The following EML6 variants were observed in gnomAD, a reference collection of about 807,000 sequenced individuals.
EML6 encodes the protein echinoderm microtubule-associated protein-like 6.
EML6 carries 154 observed loss-of-function variants against 240.1 expected under a neutral mutation model. That is an observed-to-expected ratio of 0.64 (90% CI 0.56 to 0.73). The LOEUF (loss-of-function observed/expected upper bound fraction) is 0.73. Among genes scored for constraint, EML6 ranks in the 30% least tolerant of loss-of-function variants. The pLI is 0.00. For synonymous variants in EML6, 1,148 were observed against 899.0 expected (o/e 1.28, Z -4.95); for missense variants, 2,964 against 2,474.6 (o/e 1.20, Z -4.20).
At chr2:54,933,979 A>AT (rs1674998103) in intron 28 of EML6, among the ~76,000 whole-genome samples, 1 of 152,036 alleles carries the variant, frequency 6.6e-6, no homozygotes, top group Admixed American at 6.6e-5. Context: ...AATGAAGATA[A>AT]TTTTTTTGAA....
At chr2:54,764,635 C>T (rs534877193) in intron 2 of EML6, among the ~76,000 whole-genome samples, 58 of 152,284 alleles carry the variant, frequency 3.8e-4, no homozygotes, top group African/African-American at 1.3e-3. Context: ...ATTGTGCCTT[C>T]ATCAATAAAT....
At chr2:54,931,745 T>G (rs1026407676) in intron 28 of EML6, among the ~76,000 whole-genome samples, 3 of 152,160 alleles carry the variant, frequency 2.0e-5, no homozygotes, top group African/African-American at 7.2e-5. Flanking sequence ...GAAAGAGATG[T>G]GAGCTTGGGA....
Position 54,724,088 on chromosome 2 carries a change from A to G in EML6, c.-514+311A>G, listed in dbSNP as rs1221845194. Among the ~76,000 whole-genome samples the G allele has an allele frequency of 1.3e-5, 2 of 152,136 alleles. No individual in the cohort carries two copies. Among genetic ancestry groups the G allele is most frequent in the Non-Finnish European group, 2.9e-5 (2 of 68,020 alleles). On this transcript the variant is annotated intron_variant, in intron 1 of 41. Coordinates refer to ENST00000356458, the MANE Select transcript of EML6 (RefSeq NM_001039753.4). The surrounding 1 kb of genome is among the most constrained non-coding windows in gnomAD (Gnocchi z 5.2). ...CCACTTGTTATTTGATTTCTCCTCG[A>G]CCAGGAGCGTTTGTAGGTAGCGCAC...
At chr2:54,835,751 T>C (rs1185736015) in intron 7 of EML6, among the ~76,000 whole-genome samples, 1 of 152,130 alleles carries the variant, frequency 6.6e-6, no homozygotes, top group Non-Finnish European at 1.5e-5. Flanking sequence ...ACATTTTTGA[T>C]TGTCGCAACT....
chr2:54,895,363 A>G lies in EML6; in HGVS notation c.2945A>G (p.Glu982Gly), dbSNP rs1672708173. Residue 982 changes from glutamate (E) to glycine (G), a missense_variant, in exon 21 of 42, where the codon GAA (glutamate) becomes GGA (glycine). By Grantham distance (98) the Glu-to-Gly change is moderately conservative. Transcript: ENST00000356458. ...LVGTKNGEIL[E>G]IDKSGPMTLL... is the part of the protein sequence containing the mutation. ...GGAACAAAAAATGGAGAGATTCTGG[A>G]AATTGATAAGAGTGGCCCAATGACA... The G allele has an allele frequency of 6.4e-7, 1 of 1,552,048 alleles. No homozygotes were observed. Among genetic ancestry groups the G allele is most frequent in the Non-Finnish European group, 8.7e-7 (1 of 1,146,982 alleles).
chr2:54,860,478 A>T (rs559329321), intron 12 of EML6, among the ~76,000 whole-genome samples: 2 of 152,260 alleles, frequency 1.3e-5, no homozygotes, highest in African/African-American at 4.8e-5. Context: ...AATATGCAAC[A>T]GGGATTTAGA....
chr2:54,772,367 T>A (rs558580215), intron 2 of EML6, among the ~76,000 whole-genome samples: 2 of 152,188 alleles, frequency 1.3e-5, no homozygotes, highest in African/African-American at 4.8e-5. Flanking sequence ...AAGAAGGAAA[T>A]GAGTAATGAG....
In EML6 at chr2:54,907,938, AGATAGATAAGATAGATAGATAGATAGAT is replaced by A. The variant is rs1260735533; in HGVS notation, c.3410-3015_3410-2988del. 7.2e-3 allele frequency among the ~76,000 whole-genome samples: 423 copies of A among 58,562 alleles called. 2 individuals are homozygous for A. Among genetic ancestry groups the A allele is most frequent in the Non-Finnish European group, 1.0e-2 (278 of 27,840 alleles). 38.4% of individuals were successfully genotyped at this position (58,562 alleles called of 152,430 possible). The stretch of plus-strand genomic sequence containing the variant: ...TAGATAGATAGATAGATAGATAGAT[AGATAGATAAGATAGATAGATAGATAGAT>A]AGATAGATAGATAGATAGATAGATA... On this transcript the variant is annotated intron_variant, in intron 24 of 41. Transcript: ENST00000356458.
chr2:54,737,461 GCTAATTTTTGTATTTT>G (rs1462359964), intron 2 of EML6, among the ~76,000 whole-genome samples: 1 of 152,110 alleles, frequency 6.6e-6, no homozygotes, highest in Non-Finnish European at 1.5e-5. Context: ...ACCGTGCCTG[GCTAATTTTTGTATTTT>G]TAGTAGAGTC....
intron 5 of EML6, among the ~76,000 whole-genome samples, chr2:54,826,667 C>CT (rs1668612411): frequency 6.6e-6 from 1 of 152,238 alleles, no homozygotes; most frequent in African/African-American, 2.4e-5. Flanking sequence ...TAGGAGTGTC[C>CT]TTACTGCCTT....
chr2:54,928,574 C>T (rs895047145), intron 27 of EML6, 51 bp from the exon 28 acceptor site: 6 of 1,551,690 alleles, frequency 3.9e-6, no homozygotes, highest in Admixed American at 2.0e-5. Flanking sequence ...CACCTCCCTT[C>T]CTGGGCCACT....
Position 54,960,122 on chromosome 2 carries a change from C to G in EML6, c.4854-98C>G. 4.3e-6 allele frequency: 4 copies of G among 927,828 alleles called. 1 individual carries two copies. In the South Asian group the frequency reaches 6.0e-5, roughly 14 times the overall value. 57.5% of individuals were successfully genotyped at this position (927,828 alleles called of 1,614,324 possible). A position where few individuals can be genotyped will look rare whatever the true frequency, so the allele number is the denominator to read the frequency against. On this transcript the variant is annotated intron_variant, in intron 34 of 41. Transcript: ENST00000356458. ...TCTTTCCTTCTGGGCCCCAACTGGCCAGAACCCTGATGACTGGGAAAGAGG... is the reference window on the plus strand; with the variant it reads ...TCTTTCCTTCTGGGCCCCAACTGGCGAGAACCCTGATGACTGGGAAAGAGG...
At chr2:54,792,039 G>A (rs1379143965) in intron 2 of EML6, among the ~76,000 whole-genome samples, 1 of 152,150 alleles carries the variant, frequency 6.6e-6, no homozygotes, top group Non-Finnish European at 1.5e-5. Flanking sequence ...ATCAGAATGC[G>A]CCTGGACCTC....
chr2:54,969,798 T>A (rs1428737413), intron 41 of EML6, among the ~76,000 whole-genome samples: 1 of 152,154 alleles, frequency 6.6e-6, no homozygotes, highest in Non-Finnish European at 1.5e-5. Flanking sequence ...GAGTGTGATA[T>A]CAAAGTGCCA....
At chr2:54,791,787 C>T (rs1669470633) in intron 2 of EML6, among the ~76,000 whole-genome samples, 2 of 152,120 alleles carry the variant, frequency 1.3e-5, no homozygotes, top group Admixed American at 1.3e-4. Context: ...TGAAGTCCAG[C>T]CCTGGATTAT....
At chr2:54,830,027 G>T (rs933346569) in intron 7 of EML6, among the ~76,000 whole-genome samples, 3 of 152,212 alleles carry the variant, frequency 2.0e-5, no homozygotes, top group African/African-American at 7.2e-5. Context: ...GCCTCCCATA[G>T]TTGTATGAGG....
chr2:54,811,945 G>C (rs987857190), intron 2 of EML6, among the ~76,000 whole-genome samples: 1 of 152,114 alleles, frequency 6.6e-6, no homozygotes, highest in Non-Finnish European at 1.5e-5. Context: ...TGTATTACTT[G>C]CTTATGAAGA....
At chr2:54,964,274 A>C in intron 37 of EML6, 116 bp downstream of exon 37, 1 of 1,013,434 alleles carries the variant, frequency 9.9e-7, no homozygotes, top group South Asian at 1.7e-5. Context: ...GTCACTTTCA[A>C]CAAGCCACCT....
chr2:54,809,748 A>G (rs1050740496), intron 2 of EML6, among the ~76,000 whole-genome samples: 2 of 152,190 alleles, frequency 1.3e-5, no homozygotes, highest in African/African-American at 4.8e-5. Context: ...GATACCTTCT[A>G]TTCTCTTGCA....
Sources: allele counts gnomAD v4.1 joint callset (sites outside exome capture counted in the v4.1 genomes callset), GRCh38; gene constraint gnomAD v4.1.1; non-coding constraint Gnocchi (gnomAD v3.1); transcripts MANE v1.5; gene names NCBI Gene and HGNC (gene_info 2026-07-23, HGNC 2026-07-21).